PALM2AKAP2: variants seen among roughly 807,000 people sequenced by gnomAD.
PALM2AKAP2 encodes the protein PALM2-AKAP2 fusion protein.
In PALM2AKAP2, 37 loss-of-function variants were observed where a neutral mutation model predicts 71.5. The ratio of observed to expected loss-of-function variants is 0.52; its 90% CI spans 0.40 to 0.68. PALM2AKAP2 has a LOEUF of 0.68. Among genes scored for constraint, PALM2AKAP2 ranks in the 30% least tolerant of loss-of-function variants. The pLI, the probability that PALM2AKAP2 is intolerant of heterozygous loss-of-function variation, is 0.00. For missense variants in PALM2AKAP2, 1,224 were observed against 1,191.8 expected (o/e 1.03, Z -0.40); for synonymous variants, 468 against 478.8 (o/e 0.98, Z 0.29).
At chr9:109,780,295 G>T, upstream of PALM2AKAP2, 2 of 1,260,334 alleles carry the variant, frequency 1.6e-6, no homozygotes, top group South Asian at 5.8e-5. Context: ...GGAGGGCGGG[G>T]GCCAGAGGCT....
intron 1 of PALM2AKAP2, among the ~76,000 whole-genome samples, chr9:109,861,349 A>G (rs188247321): frequency 1.3e-5 from 2 of 152,294 alleles, no homozygotes; most frequent in East Asian, 3.9e-4. Context: ...GGTGCTTGCC[A>G]TGTCTGTCTT....
chr9:109,713,658 A>T (rs1368359868), intron 1 of PALM2AKAP2, among the ~76,000 whole-genome samples: 1 of 152,194 alleles, frequency 6.6e-6, no homozygotes, highest in East Asian at 1.9e-4. Flanking sequence ...GCAGATCTGA[A>T]GAAACGACAT....
At chr9:109,685,171 C>A (rs965400624) in intron 1 of PALM2AKAP2, among the ~76,000 whole-genome samples, 1 of 152,078 alleles carries the variant, frequency 6.6e-6, no homozygotes, top group African/African-American at 2.4e-5. Flanking sequence ...TGCAAAGGGA[C>A]AGAAGGGAGT....
intron 1 of PALM2AKAP2, among the ~76,000 whole-genome samples, chr9:109,683,006 CCATGT>C (rs1475652284): frequency 6.6e-6 from 1 of 152,150 alleles, no homozygotes; most frequent in African/African-American, 2.4e-5. Flanking sequence ...TAGTTTAGCA[CCATGT>C]CCTTGGTGCT....
chr9:109,835,739 G>A (rs1039566341), intron 1 of PALM2AKAP2, among the ~76,000 whole-genome samples: 10 of 152,138 alleles, frequency 6.6e-5, no homozygotes, highest in East Asian at 1.9e-4. Flanking sequence ...TATATCCTGC[G>A]CCTGGCTCAG....
chr9:109,735,347 T>C (rs1828614395), intron 1 of PALM2AKAP2, among the ~76,000 whole-genome samples: 1 of 151,798 alleles, frequency 6.6e-6, no homozygotes, highest in African/African-American at 2.4e-5. Flanking sequence ...TATATGCACA[T>C]TCGCACACTT....
At chr9:109,752,110 G>T (rs958280942) in intron 1 of PALM2AKAP2, among the ~76,000 whole-genome samples, 9 of 152,116 alleles carry the variant, frequency 5.9e-5, no homozygotes, top group Admixed American at 6.6e-5. Flanking sequence ...GCTAGGTGCT[G>T]TAGTGCATAT....
chr9:109,890,780 G>C (rs1830070467), intron 3 of PALM2AKAP2, among the ~76,000 whole-genome samples: 1 of 152,160 alleles, frequency 6.6e-6, no homozygotes, highest in Non-Finnish European at 1.5e-5. Flanking sequence ...GAGAATGGAG[G>C]CCTAAATGTG....
At chr9:109,881,831 T>C (rs1829859378) in intron 3 of PALM2AKAP2, among the ~76,000 whole-genome samples, 1 of 145,990 alleles carries the variant, frequency 6.8e-6, no homozygotes, top group Non-Finnish European at 1.5e-5. Context: ...CTACCTGAAA[T>C]CTCACCACCT....
intron 1 of PALM2AKAP2, among the ~76,000 whole-genome samples, chr9:109,820,840 T>C (rs1431364807): frequency 6.6e-6 from 1 of 152,208 alleles, no homozygotes; most frequent in Non-Finnish European, 1.5e-5. Context: ...TACCGGTGGC[T>C]TTGTAGATCT....
At chr9:109,883,280 G>C (rs774101713) in intron 3 of PALM2AKAP2, among the ~76,000 whole-genome samples, 1 of 152,202 alleles carries the variant, frequency 6.6e-6, no homozygotes, top group Non-Finnish European at 1.5e-5. Context: ...TATGCAGGCA[G>C]TCTCACCCAT....
At chr9:110,097,620 G>A (rs1257171899) in intron 1 of PALM2AKAP2, among the ~76,000 whole-genome samples, 1 of 147,212 alleles carries the variant, frequency 6.8e-6, no homozygotes, top group African/African-American at 2.6e-5. Flanking sequence ...GGGAAGAGGC[G>A]CTCCTCACTT....
chr9:110,043,433 G>A (rs1010295048), intron 7 of PALM2AKAP2, among the ~76,000 whole-genome samples: 22 of 152,156 alleles, frequency 1.4e-4, no homozygotes, highest in African/African-American at 5.1e-4. Flanking sequence ...AGGTGCAAGT[G>A]TATAAACATT....
chr9:110,052,395 G>A (rs866923689), intron 1 of PALM2AKAP2, among the ~76,000 whole-genome samples: 4 of 152,202 alleles, frequency 2.6e-5, no homozygotes, highest in Middle Eastern at 3.2e-3. Context: ...CCATATACAT[G>A]TATATCTTAC....
intron 1 of PALM2AKAP2, among the ~76,000 whole-genome samples, chr9:109,677,209 A>C (rs1488035794): frequency 6.6e-6 from 1 of 152,184 alleles, no homozygotes; most frequent in Admixed American, 6.5e-5. Context: ...TCATTCTCTG[A>C]ACCTAGAGAG....
At chr9:109,663,428 C>T (rs1424608872) in intron 1 of PALM2AKAP2, among the ~76,000 whole-genome samples, 1 of 152,146 alleles carries the variant, frequency 6.6e-6, no homozygotes, top group Non-Finnish European at 1.5e-5. Context: ...TTATTTCTGC[C>T]TTCACTTTCT....
At chr9:109,698,925 G>A (rs1828013064) in intron 1 of PALM2AKAP2, among the ~76,000 whole-genome samples, 1 of 152,026 alleles carries the variant, frequency 6.6e-6, no homozygotes. Flanking sequence ...AAAGGAGAGG[G>A]GGAAAAACTG....
At chr9:109,709,003 T>C (rs1828184656) in intron 1 of PALM2AKAP2, among the ~76,000 whole-genome samples, 1 of 152,030 alleles carries the variant, frequency 6.6e-6, no homozygotes, top group Admixed American at 6.6e-5. Flanking sequence ...TCACAGAGGG[T>C]TGGTCAGCAG....
At chr9:109,923,791 A>G in exon 4 of PALM2AKAP2, 2 of 1,606,902 alleles carry the variant, frequency 1.2e-6, no homozygotes, top group Non-Finnish European at 1.7e-6. Flanking sequence ...TCTGCCAAAG[A>G]GCAAATCATC....
Sources: gnomAD v4.1 joint callset for allele counts (sites outside exome capture counted in the v4.1 genomes callset) on GRCh38, gnomAD v4.1.1 for gene constraint, MANE v1.5 for transcripts, NCBI Gene and HGNC (gene_info 2026-07-23, HGNC 2026-07-21) for gene names.